PNPLA2: variants seen among roughly 807,000 people sequenced by gnomAD.
PNPLA2 encodes the protein patatin-like phospholipase domain-containing protein 2.
PNPLA2 carries 28 observed loss-of-function variants against 39.7 expected under a neutral mutation model. The observed-to-expected ratio is 0.70, with a 90% CI of 0.52 to 0.97. PNPLA2 has a LOEUF of 0.97. Ranked by LOEUF, PNPLA2 falls within the 50% of genes least tolerant of loss-of-function variation. The pLI is 0.00. For missense variants in PNPLA2, 768 were observed against 698.2 expected (o/e 1.10, Z -1.13); for synonymous variants, 392 against 321.1 (o/e 1.22, Z -2.36).
chr11:822,614 C>G lies in PNPLA2; in HGVS notation c.696+8C>G, dbSNP rs750323459. 3.7e-6 allele frequency: 6 copies of G among 1,609,524 alleles called. No individual in the cohort carries two copies. The highest frequency in any genetic ancestry group is 1.7e-5 in the Admixed American group (1 of 59,996). On this transcript the variant is annotated splice_region_variant and intron_variant, in intron 5 of 9. Transcript: ENST00000336615. ...TTCCCGCCGGAGCCCCTGGTGAGCT[C>G]TGCTCCGAGGACTGTGGCCTTCCCA... is the stretch of plus-strand genomic sequence containing the variant.
intron 2 of PNPLA2, among the ~76,000 whole-genome samples, chr11:820,418 G>T (rs1267031403): frequency 6.6e-6 from 1 of 152,214 alleles, no homozygotes; most frequent in South Asian, 2.1e-4. Flanking sequence ...GGCTGGGCGC[G>T]AAGGGGCTCT....
At position 819,869 on chromosome 11, in the gene PNPLA2, C is replaced by A. The variant is rs1387959148; in HGVS notation, c.151C>A (p.Leu51Ile). Residue 51 changes from leucine to isoleucine, a missense_variant, in exon 2 of 10, where the codon CTC (leucine) becomes ATC (isoleucine). Leu to Ile is a conservative substitution (Grantham distance 5). Coordinates refer to ENST00000336615, the MANE Select transcript of PNPLA2 (RefSeq NM_020376.4). ...CATCTACGGCGCCTCGGCCGGGGCG[C>A]TCACGGCCACGGCGCTGGTCACCGG... ...THIYGASAGA[L>I]TATALVTGVC... 3 of 1,458,710 alleles carry A rather than the reference C, an allele frequency of 2.1e-6. No individual in the cohort carries two copies. Among genetic ancestry groups the A allele is most frequent in the Non-Finnish European group, 2.7e-6 (3 of 1,105,782 alleles). The allele number at this position is 1,458,710 out of a possible 1,614,324, so 90.4% of individuals were successfully genotyped here.
chr11:825,320 G>A lies in PNPLA2; in HGVS notation c.*458G>A. 1 of 257,024 alleles carries A rather than the reference G, an allele frequency of 3.9e-6. No individual in the cohort carries two copies. Among genetic ancestry groups the A allele is most frequent in the Non-Finnish European group, 7.6e-6 (1 of 131,040 alleles). The allele number at this position is 257,024 out of a possible 1,614,324, so 15.9% of individuals were successfully genotyped here. A position where few individuals can be genotyped will look rare whatever the true frequency, so the allele number is the denominator to read the frequency against. ...TTGGCTGACCAGCCTCTCCACAGCT[G>A]CAGGCCAGGTCTCCCAGCGTCGCAC... is the stretch of plus-strand genomic sequence containing the variant. On this transcript the variant is annotated 3_prime_UTR_variant, in exon 10 of 10. Coordinates refer to ENST00000336615, the MANE Select transcript of PNPLA2 (RefSeq NM_020376.4).
intron 5 of PNPLA2, among the ~76,000 whole-genome samples, 180 bp downstream of exon 5, chr11:822,786 T>C (rs1475968384): frequency 6.6e-6 from 1 of 151,192 alleles, no homozygotes; most frequent in African/African-American, 2.4e-5. Flanking sequence ...TCTGTCTAGC[T>C]GCTCTGTCCA....
Position 819,840 on chromosome 11 carries a change from C to A in PNPLA2, c.122C>A (p.Thr41Lys), listed in dbSNP as rs1565085242. The stretch of plus-strand genomic sequence containing the variant: ...GCGCCCTTCCTGGTGGCCAACGCCA[C>A]GCACATCTACGGCGCCTCGGCCGGG... ...EHAPFLVANATHIYGASAGAL... is the reference protein window; with the variant it reads ...EHAPFLVANAKHIYGASAGAL... The change falls in exon 2 of 10, where the codon ACG becomes AAG. Residue 41 changes from threonine (T) to lysine (K), a missense_variant. Physicochemically the swap from Thr to Lys is moderately conservative, Grantham distance 78 (BLOSUM62 -1). Coordinates refer to ENST00000336615, the MANE Select transcript of PNPLA2 (RefSeq NM_020376.4). The A allele has an allele frequency of 5.4e-6, 8 of 1,483,714 alleles. No homozygotes were observed. Among genetic ancestry groups the A allele is most frequent in the Non-Finnish European group, 7.2e-6 (8 of 1,118,208 alleles). 91.9% of individuals were successfully genotyped at this position (1,483,714 alleles called of 1,614,324 possible). A position where few individuals can be genotyped will look rare whatever the true frequency, so the allele number is the denominator to read the frequency against.
At position 819,625 on chromosome 11, in the gene PNPLA2, G is replaced by C. The variant is rs867672356; in HGVS notation, c.-94G>C. 1 of 1,333,412 alleles carries C rather than the reference G, an allele frequency of 7.5e-7. No homozygotes were observed. 82.6% of individuals were successfully genotyped at this position (1,333,412 alleles called of 1,614,324 possible). ...CCGAGCTAGAGCCGCAGCGGGACCTGCCCGGCCCCCGGCTCCAGCGAGCGA... is the reference window on the plus strand; with the variant it reads ...CCGAGCTAGAGCCGCAGCGGGACCTCCCCGGCCCCCGGCTCCAGCGAGCGA... On this transcript the variant is annotated 5_prime_UTR_variant, in exon 2 of 10. Coordinates refer to ENST00000336615, the MANE Select transcript of PNPLA2 (RefSeq NM_020376.4).
rs141990864 is a variant in PNPLA2 at position 821,283 on chromosome 11, C to T, written c.188-345C>T. The T allele has an allele frequency of 2.5e-3, 1,007 of 409,948 alleles. 5 individuals carry two copies. The highest frequency in any genetic ancestry group is 4.4e-3 in the Admixed American group (117 of 26,706). 25.4% of individuals were successfully genotyped at this position (409,948 alleles called of 1,614,324 possible). On this transcript the variant is annotated intron_variant, in intron 2 of 9. Transcript: ENST00000336615. ...GGGTTTTGTGGGTCTGCCCCATCCC[C>T]GCACTGCTGGATCTGGCCAAGTGGG...
In PNPLA2 at chr11:824,618, G is replaced by A; in HGVS notation, c.1271G>A (p.Arg424His). 6.3e-7 allele frequency: 1 copy of A among 1,594,096 alleles called. No individual in the cohort carries two copies. The change falls in exon 10 of 10, where the codon CGC becomes CAC. Residue 424 changes from arginine (R) to histidine (H), a missense_variant. Transcript: ENST00000336615. The stretch of plus-strand genomic sequence containing the variant: ...AGAGAGGCACTGCCCGGCTGGATGC[G>A]CAACAACCTCTCGCTGGGGGACGCG... ...AYREALPGWM[R>H]NNLSLGDALA...
Position 824,398 on chromosome 11 carries a change from G to T in PNPLA2, c.1137G>T (p.Met379Ile). Reference protein sequence around the residue: ...QTGSICQYLVMRAKRKLGRHL... With the variant: ...QTGSICQYLVIRAKRKLGRHL... ...GCAGCATCTGCCAGTACCTGGTGAT[G>T]CGCGCCAAGAGGAAGCTGGGCAGGC... The change falls in exon 9 of 10, where the codon ATG becomes ATT. Residue 379 changes from methionine to isoleucine, a missense_variant. By Grantham distance (10) the Met-to-Ile change is conservative. Coordinates refer to ENST00000336615, the MANE Select transcript of PNPLA2 (RefSeq NM_020376.4). 6.4e-7 allele frequency: 1 copy of T among 1,554,260 alleles called. No individual in the cohort carries two copies. The highest frequency in any genetic ancestry group is 2.4e-5 in the East Asian group (1 of 41,214).
At chr11:820,012 G>GTGGGGAGGGTTCCGGTCCGCGCC (rs1325110973) in intron 2 of PNPLA2, 107 bp downstream of exon 2, 1 of 848,596 alleles carries the variant, frequency 1.2e-6, no homozygotes, top group Non-Finnish European at 1.6e-6. Flanking sequence ...GGTGGGTACC[G>GTGGGGAGGGTTCCGGTCCGCGCC]TGGGGAGGGT....
At chr11:822,809 A>G (rs1272618277) in intron 5 of PNPLA2, among the ~76,000 whole-genome samples, 1 of 137,358 alleles carries the variant, frequency 7.3e-6, no homozygotes, top group East Asian at 2.0e-4. Flanking sequence ...CTCCCTGTCC[A>G]GTCTCTCTCT....
rs1679897475 is a variant in PNPLA2 at position 825,219 on chromosome 11, C to T, written c.*357C>T. The T allele has an allele frequency of 5.3e-6, 2 of 376,684 alleles. No individual in the cohort carries two copies. The highest frequency in any genetic ancestry group is 7.1e-5 in the East Asian group (1 of 14,048). 23.3% of individuals were successfully genotyped at this position (376,684 alleles called of 1,614,324 possible). A position where few individuals can be genotyped will look rare whatever the true frequency, so the allele number is the denominator to read the frequency against. ...ACATGTAATAAATGCTGCAGCCCAG[C>T]CTCTGCCCACTTTGTGTGTATGTGA... On this transcript the variant is annotated 3_prime_UTR_variant, in exon 10 of 10. Transcript: ENST00000336615.
At chr11:820,380 C>A (rs1845629709) in intron 2 of PNPLA2, among the ~76,000 whole-genome samples, 1 of 152,156 alleles carries the variant, frequency 6.6e-6, no homozygotes, top group African/African-American at 2.4e-5. Flanking sequence ...TTCCCAAGGG[C>A]CCGGAGGAGG....
At position 819,826 on chromosome 11, in the gene PNPLA2, G is replaced by T; in HGVS notation, c.108G>T (p.Leu36=). The stretch of plus-strand genomic sequence containing the variant: ...GCCTCCGCGAGCACGCGCCCTTCCT[G>T]GTGGCCAACGCCACGCACATCTACG... ...ASCLREHAPF[L]VANATHIYGA... is the part of the protein sequence containing the mutation. The change falls in exon 2 of 10, where the codon CTG becomes CTT. Residue 36 remains leucine, a synonymous_variant. Coordinates refer to ENST00000336615, the MANE Select transcript of PNPLA2 (RefSeq NM_020376.4). 6.0e-6 allele frequency: 9 copies of T among 1,493,938 alleles called. No individual in the cohort carries two copies. The highest frequency in any genetic ancestry group is 8.0e-6 in the Non-Finnish European group (9 of 1,123,058). 92.5% of individuals were successfully genotyped at this position (1,493,938 alleles called of 1,614,324 possible). A position where few individuals can be genotyped will look rare whatever the true frequency, so the allele number is the denominator to read the frequency against.
chr11:819,608 G>A lies in PNPLA2; in HGVS notation c.-111G>A, dbSNP rs1182282953. ...CTCCGCCAGCGGGGACCCCGAGCTA[G>A]AGCCGCAGCGGGACCTGCCCGGCCC... is the stretch of plus-strand genomic sequence containing the variant. On this transcript the variant is annotated 5_prime_UTR_variant, in exon 2 of 10. Transcript: ENST00000336615. 21 of 1,293,894 alleles carry A rather than the reference G, an allele frequency of 1.6e-5. No homozygotes were observed. In the East Asian group the frequency reaches 6.1e-4, roughly 37 times the overall value. The allele number at this position is 1,293,894 out of a possible 1,614,324, so 80.2% of individuals were successfully genotyped here.
intron 5 of PNPLA2, among the ~76,000 whole-genome samples, chr11:823,276 C>T (rs1242915922): frequency 6.6e-6 from 1 of 152,132 alleles, no homozygotes; most frequent in Non-Finnish European, 1.5e-5. Flanking sequence ...CCAGGATGGT[C>T]TTGATCTCCT....
In PNPLA2 at chr11:824,620, A is replaced by C; in HGVS notation, c.1273A>C (p.Asn425His). Residue 425 changes from asparagine (N) to histidine (H), a missense_variant, in exon 10 of 10, where the codon AAC becomes CAC. Asn to His is a moderately conservative substitution (Grantham distance 68). Coordinates refer to ENST00000336615, the MANE Select transcript of PNPLA2 (RefSeq NM_020376.4). The part of the protein sequence containing the change: ...YREALPGWMR[N>H]NLSLGDALAK... ...AGAGGCACTGCCCGGCTGGATGCGCAACAACCTCTCGCTGGGGGACGCGCT... is the reference window on the plus strand; with the variant it reads ...AGAGGCACTGCCCGGCTGGATGCGCCACAACCTCTCGCTGGGGGACGCGCT... The C allele has an allele frequency of 6.3e-7, 1 of 1,595,482 alleles. No individual in the cohort carries two copies. Among genetic ancestry groups the C allele is most frequent in the South Asian group, 1.1e-5 (1 of 89,470 alleles).
chr11:825,032 G>T lies in PNPLA2; in HGVS notation c.*170G>T, dbSNP rs1216403147. 1.5e-6 allele frequency: 1 copy of T among 672,930 alleles called. No homozygotes were observed. The highest frequency in any genetic ancestry group is 2.7e-6 in the Non-Finnish European group (1 of 375,986). The allele number at this position is 672,930 out of a possible 1,614,324, so 41.7% of individuals were successfully genotyped here. On this transcript the variant is annotated 3_prime_UTR_variant, in exon 10 of 10. Coordinates refer to ENST00000336615, the MANE Select transcript of PNPLA2 (RefSeq NM_020376.4). ...GGTTTCCACACCCCTCCCCTGGGCC[G>T]CTGAGGCCCCGCGCACCTGTGCCTT...
At chr11:823,611 G>A (rs1485449865) in intron 6 of PNPLA2, 24 bp downstream of exon 6, 2 of 1,605,872 alleles carry the variant, frequency 1.2e-6, no homozygotes, top group African/African-American at 1.3e-5. Context: ...GGCGGGAGAG[G>A]GCGGGGTGGG....
Sources: gnomAD v4.1 joint callset for allele counts (sites outside exome capture counted in the v4.1 genomes callset) on GRCh38, gnomAD v4.1.1 for gene constraint, MANE v1.5 for transcripts, NCBI Gene and HGNC (gene_info 2026-07-23, HGNC 2026-07-21) for gene names.